STAM2: variants seen among roughly 807,000 people sequenced by gnomAD.
STAM2 encodes signal transducing adaptor molecule 2.
Under a neutral mutation model 65.6 loss-of-function variants are expected in STAM2, and 51 were observed. That is an observed-to-expected ratio of 0.78 (90% CI 0.62 to 0.98). STAM2 has a LOEUF of 0.98. Among genes scored for constraint, STAM2 ranks in the 50% least tolerant of loss-of-function variants. The pLI, the probability that STAM2 is intolerant of heterozygous loss-of-function variation, is 0.00. For missense variants in STAM2, 584 were observed against 617.8 expected, an observed-to-expected ratio of 0.95 and a Z score of 0.58; for synonymous variants, 198 against 208.4, an observed-to-expected ratio of 0.95 and a Z score of 0.43.
intron 2 of STAM2, 41 bp downstream of exon 2, chr2:152,150,104 C>G (rs1689414029): frequency 7.4e-7 from 1 of 1,350,792 alleles, no homozygotes; most frequent in Non-Finnish European, 1.1e-6. Context: ...CACTGGTTAT[C>G]AAGTTCCTAG....
rs1178895840 is a variant in STAM2, at chr2:152,132,839, T to A, written c.970+334A>T. 2.6e-5 allele frequency among the ~76,000 whole-genome samples: 4 copies of A among 152,282 alleles called. No homozygotes were observed. In the East Asian group the frequency reaches 5.8e-4, roughly 22 times the overall value. ...ATAATTTTGTCCTTTAAATTCATAA[T>A]ACAAGAACATTAAACAGCAATAAGC... On this transcript the variant is annotated intron_variant, in intron 10 of 13. Coordinates refer to ENST00000263904, the MANE Select transcript of STAM2 (RefSeq NM_005843.6).
intron 6 of STAM2, 73 bp downstream of exon 6, chr2:152,144,815 G>T: frequency 1.5e-6 from 2 of 1,301,954 alleles, no homozygotes; most frequent in Non-Finnish European, 2.2e-6. Flanking sequence ...GGGATTACAG[G>T]CGTGAGCCAC....
At chr2:152,138,564 T>C (rs552028284) in intron 7 of STAM2, among the ~76,000 whole-genome samples, 1 of 152,340 alleles carries the variant, frequency 6.6e-6, no homozygotes, top group African/African-American at 2.4e-5. Context: ...TTTCCAAAAA[T>C]CTGACTTATT....
intron 12 of STAM2, chr2:152,124,802 C>CAAT (rs1221257263): frequency 6.6e-6 from 1 of 152,284 alleles, no homozygotes; most frequent in Non-Finnish European, 1.5e-5. Flanking sequence ...AATCTACTGA[C>CAAT]AATAGGCTGA....
chr2:152,144,993 T>C, intron 5 of STAM2, 36 bp from the exon 6 acceptor site: 4 of 1,507,220 alleles, frequency 2.7e-6, no homozygotes, highest in Non-Finnish European at 3.7e-6. Flanking sequence ...ACAACTATCT[T>C]TTCAAACAAA....
rs1018822738 is a variant in STAM2 at position 152,143,952 on chromosome 2, T to C, written c.579A>G (p.Pro193=). ...TATTATTTAACTGAATTTCTGAAGATGGATATAAGGATTTTGTTTCTGTGT... is the reference window on the plus strand; with the variant it reads ...TATTATTTAACTGAATTTCTGAAGACGGATATAAGGATTTTGTTTCTGTGT... The part of the protein sequence containing the change: ...QQHTETKSLY[P]SSEIQLNNKV... The change falls in exon 7 of 14, where the codon CCA becomes CCG. Residue 193 remains proline (P), a synonymous_variant. Coordinates refer to ENST00000263904, the MANE Select transcript of STAM2 (RefSeq NM_005843.6). 124 of 1,613,704 alleles carry C rather than the reference T, an allele frequency of 7.7e-5. No homozygotes were observed. Among genetic ancestry groups the C allele is most frequent in the Non-Finnish European group, 1.0e-4 (119 of 1,179,876 alleles).
In STAM2 at chr2:152,147,294, T is replaced by A; in HGVS notation, c.315A>T (p.Val105=). The change falls in exon 5 of 14, where the codon GTA becomes GTT. Residue 105 remains valine, a synonymous_variant. Coordinates refer to ENST00000263904, the MANE Select transcript of STAM2 (RefSeq NM_005843.6). ...CCATTAAAGATTTCAGTTTTTCACA[T>A]ACTTTAGGATGTGCCTTTTAAGGAA... The part of the protein sequence containing the change: ...AVIKNKAHPK[V]CEKLKSLMVE... 2 of 1,574,094 alleles carry A rather than the reference T, an allele frequency of 1.3e-6. No individual in the cohort carries two copies. Among genetic ancestry groups the A allele is most frequent in the Non-Finnish European group, 1.7e-6 (2 of 1,165,462 alleles).
At chr2:152,131,391 TG>T (rs1486827864) in intron 11 of STAM2, among the ~76,000 whole-genome samples, 3 of 152,176 alleles carry the variant, frequency 2.0e-5, no homozygotes, top group Non-Finnish European at 4.4e-5. Flanking sequence ...AGGCAGAGGT[TG>T]CAGTGAGCCG....
intron 5 of STAM2, among the ~76,000 whole-genome samples, chr2:152,146,692 A>C (rs1411270737): frequency 2.0e-5 from 3 of 152,168 alleles, no homozygotes; most frequent in Non-Finnish European, 4.4e-5. Flanking sequence ...TAATACATTC[A>C]AGTCTCAAAA....
rs771514211 is a variant in STAM2, at chr2:152,120,848, T to C, written c.1350-46A>G. ...AGAAAACCATATTTACTTTGCAATA[T>C]ATAAGGTTAGAGATCAATCATCATG... On this transcript the variant is annotated intron_variant, in intron 13 of 13. Coordinates refer to ENST00000263904, the MANE Select transcript of STAM2 (RefSeq NM_005843.6). 9.5e-6 allele frequency: 14 copies of C among 1,471,262 alleles called. No individual in the cohort carries two copies. The South Asian group carries it at 1.1e-4, about 12-fold the overall frequency. The allele number at this position is 1,471,262 out of a possible 1,614,324, so 91.1% of individuals were successfully genotyped here. A position where few individuals can be genotyped will look rare whatever the true frequency, so the allele number is the denominator to read the frequency against.
intron 13 of STAM2, among the ~76,000 whole-genome samples, chr2:152,123,271 C>T (rs1479533768): frequency 5.3e-5 from 8 of 152,038 alleles, no homozygotes; most frequent in South Asian, 2.1e-4. Flanking sequence ...ACTCAGGGGG[C>T]TGAGGCAGGA....
intron 7 of STAM2, 38 bp downstream of exon 7, chr2:152,143,789 T>C: frequency 6.6e-7 from 1 of 1,526,312 alleles, no homozygotes; most frequent in Non-Finnish European, 9.0e-7. Context: ...ATTAAGGGCA[T>C]TACACTTTAA....
intron 11 of STAM2, among the ~76,000 whole-genome samples, chr2:152,130,984 A>C (rs1254782119): frequency 7.4e-6 from 1 of 134,454 alleles, no homozygotes; most frequent in Non-Finnish European, 1.6e-5. Flanking sequence ...TGACAGGGCA[A>C]GACTCCATCT....
chr2:152,146,873 T>A (rs1274339919), intron 5 of STAM2, among the ~76,000 whole-genome samples: 2 of 152,220 alleles, frequency 1.3e-5, no homozygotes, highest in Non-Finnish European at 2.9e-5. Context: ...GCTACAAATT[T>A]CTTGAATATA....
rs1690007807 is a variant in STAM2 at position 152,175,702 on chromosome 2, G to A, written c.-60C>T. The A allele has an allele frequency of 4.5e-6, 7 of 1,565,734 alleles. No individual in the cohort carries two copies. Among genetic ancestry groups the A allele is most frequent in the Admixed American group, 1.9e-5 (1 of 53,646 alleles). On this transcript the variant is annotated 5_prime_UTR_variant, in exon 1 of 14. Transcript: ENST00000263904. ...AGCTGACACTCAGCAACTGCTACCCGCCGGGTGACCCGCGGCCGCGGCTCC... is the reference window on the plus strand; with the variant it reads ...AGCTGACACTCAGCAACTGCTACCCACCGGGTGACCCGCGGCCGCGGCTCC...
At chr2:152,148,170 G>A (rs1689370223) in intron 3 of STAM2, 48 bp from the exon 4 acceptor site, 5 of 1,589,888 alleles carry the variant, frequency 3.1e-6, no homozygotes, top group Non-Finnish European at 4.3e-6. Context: ...TTAACTTACT[G>A]TAATTAAAAA....
At position 152,167,226 on chromosome 2, in the gene STAM2, C is replaced by T. The variant is rs16830764; in HGVS notation, c.40+8377G>A. On this transcript the variant is annotated intron_variant, in intron 1 of 13. Transcript: ENST00000263904. ...TTAACTGGAGGAAACTAAAGAAAGG[C>T]CTCCCTGAATGCAACAGAGATCGCC... is the stretch of plus-strand genomic sequence containing the variant. Among the ~76,000 whole-genome samples the T allele has an allele frequency of 7.9e-5, 12 of 152,250 alleles. No homozygotes were observed. In the East Asian group the frequency reaches 2.3e-3, roughly 29 times the overall value.
At chr2:152,130,501 T>G (rs2105533169) in intron 11 of STAM2, among the ~76,000 whole-genome samples, 1 of 151,636 alleles carries the variant, frequency 6.6e-6, no homozygotes, top group Non-Finnish European at 1.5e-5. Flanking sequence ...TCCACCCGCC[T>G]CGGCCTCCCA....
Position 152,143,832 on chromosome 2 carries a change from A to G in STAM2, c.699T>C (p.Asp233=). 1.2e-6 allele frequency: 2 copies of G among 1,607,992 alleles called. No homozygotes were observed. Among genetic ancestry groups the G allele is most frequent in the Non-Finnish European group, 1.7e-6 (2 of 1,177,344 alleles). Reference sequence around the variant, plus strand: ...CATAAAGATTTAAAACTTACCTGTCATCCAAAACAATAATTATTTCACCAT... The same window carrying G: ...CATAAAGATTTAAAACTTACCTGTCGTCCAAAACAATAATTATTTCACCAT... ...FKHGEIIIVL[D]DSDANWWKGE... The change falls in exon 7 of 14, where the codon GAT becomes GAC. Residue 233 remains aspartate, a synonymous_variant. Coordinates refer to ENST00000263904, the MANE Select transcript of STAM2 (RefSeq NM_005843.6).
Sources: allele counts gnomAD v4.1 joint callset (sites outside exome capture counted in the v4.1 genomes callset), GRCh38; gene constraint gnomAD v4.1.1; transcripts MANE v1.5; gene names NCBI Gene and HGNC (gene_info 2026-07-23, HGNC 2026-07-21).